ZNF234: variants seen among roughly 807,000 people sequenced by gnomAD.
ZNF234 encodes zinc finger protein 234.
In ZNF234, 4 loss-of-function variants were observed where a neutral mutation model predicts 10.3. That is an observed-to-expected ratio of 0.39 (90% CI 0.19 to 0.89). ZNF234 has a LOEUF of 0.89. Among genes scored for constraint, ZNF234 ranks in the 40% least tolerant of loss-of-function variants. The pLI is 0.38. For synonymous variants in ZNF234, 258 were observed against 280.1 expected (o/e 0.92, Z 0.79); for missense variants, 711 against 836.1 (o/e 0.85, Z 1.85).
chr19:44,152,032 T>C lies in ZNF234; in HGVS notation c.235+1527T>C, dbSNP rs539240291. On this transcript the variant is annotated intron_variant, in intron 5 of 5. Transcript: ENST00000426739. Reference sequence around the variant, plus strand: ...TCTGCCTCAAAGCCCTTATTTGCCCTTGTCTTTGCCTGGAAAAACTCACCT... The same window carrying C: ...TCTGCCTCAAAGCCCTTATTTGCCCCTGTCTTTGCCTGGAAAAACTCACCT... Among the ~76,000 whole-genome samples, 217 of 152,290 alleles carry C rather than the reference T, an allele frequency of 1.4e-3. 2 individuals are homozygous for C. Among genetic ancestry groups the C allele is most frequent in the African/African-American group, 5.1e-3 (213 of 41,554 alleles).
Position 44,159,652 on chromosome 19 carries a change from G to T in ZNF234, c.*1533G>T. On this transcript the variant is annotated 3_prime_UTR_variant, in exon 6 of 6. Coordinates refer to ENST00000426739, the MANE Select transcript of ZNF234 (RefSeq NM_006630.3). ...AGTTGCCAATGCCAAATTTTTATCA[G>T]CCCCCTTGAATTTATTTGATTTCTG... 2.2e-6 allele frequency: 1 copy of T among 463,688 alleles called. No individual in the cohort carries two copies. The highest frequency in any genetic ancestry group is 1.5e-5 in the South Asian group (1 of 65,960). 28.7% of individuals were successfully genotyped at this position (463,688 alleles called of 1,614,324 possible).
intron 4 of ZNF234, among the ~76,000 whole-genome samples, chr19:44,149,535 T>C (rs1416780004): frequency 6.6e-6 from 1 of 152,112 alleles, no homozygotes; most frequent in Non-Finnish European, 1.5e-5. Flanking sequence ...ACCTGGAGTT[T>C]TTTGTTTTAT....
chr19:44,157,449 A>G lies in ZNF234; in HGVS notation c.1433A>G (p.His478Arg), dbSNP rs370547080. The change falls in exon 6 of 6, where the codon CAT becomes CGT. Residue 478 changes from histidine to arginine, a missense_variant. Physicochemically the swap from His to Arg is conservative, Grantham distance 29. Coordinates refer to ENST00000426739, the MANE Select transcript of ZNF234 (RefSeq NM_006630.3). ...CGACTTCAGATTCACCAGCTGATCC[A>G]TACCGGTGAGAAACCATACAAATGT... ...SSRLQIHQLI[H>R]TGEKPYKCEE... 1.4e-4 allele frequency: 229 copies of G among 1,613,920 alleles called. No individual in the cohort carries two copies. Among genetic ancestry groups the G allele is most frequent in the Non-Finnish European group, 1.9e-4 (220 of 1,179,906 alleles).
At chr19:44,151,482 CCA>C (rs1968743206) in intron 5 of ZNF234, among the ~76,000 whole-genome samples, 2 of 152,196 alleles carry the variant, frequency 1.3e-5, no homozygotes, top group South Asian at 4.1e-4. Context: ...CAGGCATGAG[CCA>C]CTGTGCCCGA....
intron 5 of ZNF234, among the ~76,000 whole-genome samples, chr19:44,155,949 A>G (rs1968868207): frequency 6.6e-6 from 1 of 152,292 alleles, no homozygotes; most frequent in South Asian, 2.1e-4. Flanking sequence ...CACTGACTTT[A>G]AAATTCGATG....
In ZNF234 at chr19:44,144,568, C is replaced by T. The variant is rs1375777757; in HGVS notation, c.-65C>T. On this transcript the variant is annotated 5_prime_UTR_variant, in exon 3 of 6. It adds an upstream start codon to the 5' untranslated region. Coordinates refer to ENST00000426739, the MANE Select transcript of ZNF234 (RefSeq NM_006630.3). ...TGTGTCTTCCATAGTGTTCCAGGCACGATTCTGCCTTCTCTCAAATGGCAT... is the reference window on the plus strand; with the variant it reads ...TGTGTCTTCCATAGTGTTCCAGGCATGATTCTGCCTTCTCTCAAATGGCAT... 40 of 1,429,928 alleles carry T rather than the reference C, an allele frequency of 2.8e-5. No individual in the cohort carries two copies. Among genetic ancestry groups the T allele is most frequent in the Middle Eastern group, 1.9e-4 (1 of 5,370 alleles). The allele number at this position is 1,429,928 out of a possible 1,614,324, so 88.6% of individuals were successfully genotyped here.
intron 5 of ZNF234, 103 bp from the exon 6 acceptor site, chr19:44,156,149 G>A: frequency 9.6e-7 from 1 of 1,038,344 alleles, no homozygotes; most frequent in Non-Finnish European, 1.4e-6. Context: ...TACACAAACT[G>A]GACCTTCTCT....
At position 44,158,020 on chromosome 19, in the gene ZNF234, A is replaced by G. The variant is rs780658335; in HGVS notation, c.2004A>G (p.Val668=). The G allele has an allele frequency of 5.0e-6, 8 of 1,613,834 alleles. No individual in the cohort carries two copies. The highest frequency in any genetic ancestry group is 5.1e-6 in the Non-Finnish European group (6 of 1,179,896). ...GKRFSWRSNL[V]SHHKIHAAGT... is the part of the protein sequence containing the mutation. Reference sequence around the variant, plus strand: ...GGTTCAGCTGGCGATCAAATCTTGTAAGTCATCACAAAATTCATGCTGCTG... The same window carrying G: ...GGTTCAGCTGGCGATCAAATCTTGTGAGTCATCACAAAATTCATGCTGCTG... Residue 668 remains valine, a synonymous_variant, in exon 6 of 6, where the codon GTA becomes GTG. Transcript: ENST00000426739.
rs898766368 is a variant in ZNF234 at position 44,158,233 on chromosome 19, C to T, written c.*114C>T. On this transcript the variant is annotated 3_prime_UTR_variant, in exon 6 of 6. Coordinates refer to ENST00000426739, the MANE Select transcript of ZNF234 (RefSeq NM_006630.3). Reference sequence around the variant, plus strand: ...TGAATTTATTTGATTTGTAACGCTCCACATTTCCACCTAGACTTTTTTTTG... The same window carrying T: ...TGAATTTATTTGATTTGTAACGCTCTACATTTCCACCTAGACTTTTTTTTG... 2 of 1,152,692 alleles carry T rather than the reference C, an allele frequency of 1.7e-6. No homozygotes were observed. Among genetic ancestry groups the T allele is most frequent in the African/African-American group, 1.5e-5 (1 of 65,372 alleles). 71.4% of individuals were successfully genotyped at this position (1,152,692 alleles called of 1,614,324 possible). A position where few individuals can be genotyped will look rare whatever the true frequency, so the allele number is the denominator to read the frequency against.
In ZNF234 at chr19:44,157,019, C is replaced by T. The variant is rs1022345831; in HGVS notation, c.1003C>T (p.Gln335Ter). The T allele has an allele frequency of 2.5e-6, 4 of 1,613,776 alleles. No individual in the cohort carries two copies. Among genetic ancestry groups the T allele is most frequent in the Middle Eastern group, 3.3e-4 (2 of 6,082 alleles). ...TTGTAGCTCAAACCTTCGTATCCAT[C>T]AAAGGGTCCACACAGGAGAGAAACC... Reference protein sequence around the residue: ...FTCSSNLRIHQRVHTGEKPYK... With the variant: ...FTCSSNLRIH Residue 335 changes from glutamine (Q) to a stop codon, truncating the protein, a stop_gained, in exon 6 of 6, where the codon CAA (glutamine) becomes TAA (stop). Coordinates refer to ENST00000426739, the MANE Select transcript of ZNF234 (RefSeq NM_006630.3). LOFTEE classifies it low-confidence loss of function (END_TRUNC).
chr19:44,150,948 C>T (rs962902256), intron 5 of ZNF234, among the ~76,000 whole-genome samples: 4 of 151,698 alleles, frequency 2.6e-5, no homozygotes, highest in Non-Finnish European at 5.9e-5. Flanking sequence ...ACAGGAGAAT[C>T]GCTTGAACCC....
chr19:44,150,984 A>T (rs1436889746), intron 5 of ZNF234, among the ~76,000 whole-genome samples: 1 of 151,718 alleles, frequency 6.6e-6, no homozygotes, highest in African/African-American at 2.4e-5. Context: ...GTGAGCCAAG[A>T]TCGCACCGCT....
chr19:44,157,287 G>C lies in ZNF234; in HGVS notation c.1271G>C (p.Gly424Ala), dbSNP rs1454193303. Reference sequence around the variant, plus strand: ...CAAGTGCATCTGGTAGTCCACACAGGGGAAAAACCCTATAAATGTGAAGTA... The same window carrying C: ...CAAGTGCATCTGGTAGTCCACACAGCGGAAAAACCCTATAAATGTGAAGTA... ...HYQVHLVVHT[G>A]EKPYKCEVCG... is the part of the protein sequence containing the mutation. The change falls in exon 6 of 6, where the codon GGG (glycine) becomes GCG (alanine). Residue 424 changes from glycine to alanine, a missense_variant. Transcript: ENST00000426739. 1.2e-5 allele frequency: 20 copies of C among 1,613,912 alleles called. No homozygotes were observed. The highest frequency in any genetic ancestry group is 1.6e-5 in the Non-Finnish European group (19 of 1,179,962).
At chr19:44,150,630 C>T (rs1334749584) in intron 5 of ZNF234, 125 bp downstream of exon 5, 9 of 682,476 alleles carry the variant, frequency 1.3e-5, no homozygotes, top group Non-Finnish European at 1.7e-5. Context: ...CAACAGCCTT[C>T]GTACTGGGCG....
At position 44,150,419 on chromosome 19, in the gene ZNF234, AC is replaced by A; in HGVS notation, c.153del (p.Phe52SerfsTer8). ...GTGACTTTGCGTGTTCTAGGGCATC[AC>A]CCCTTCAAACATGATGTATTCCTTT... ...NFRNLLSVGH[H>X]PFKHDVFLLE... is the part of the protein sequence containing the mutation. On this transcript the variant is annotated frameshift_variant, in exon 5 of 6. Coordinates refer to ENST00000426739, the MANE Select transcript of ZNF234 (RefSeq NM_006630.3). LOFTEE classifies it high-confidence loss of function. 1 of 1,581,926 alleles carries A rather than the reference AC, an allele frequency of 6.3e-7. No homozygotes were observed. Among genetic ancestry groups the A allele is most frequent in the Middle Eastern group, 1.7e-4 (1 of 6,012 alleles).
At chr19:44,148,551 C>T (rs1370209365) in intron 3 of ZNF234, 1 of 627,770 alleles carries the variant, frequency 1.6e-6, no homozygotes, top group South Asian at 1.5e-5. Context: ...AGTGAAGCCA[C>T]AAAGGAATTG....
chr19:44,157,976 T>C lies in ZNF234; in HGVS notation c.1960T>C (p.Cys654Arg), dbSNP rs1389486001. The C allele has an allele frequency of 2.5e-6, 4 of 1,613,850 alleles. No homozygotes were observed. The highest frequency in any genetic ancestry group is 2.2e-5 in the South Asian group (2 of 91,086). ...TCACACTGGGGAAAAACCTTACAAA[T>C]GTGAGATATGTGGTAAGAGGTTCAG... ...RVHTGEKPYK[C>R]EICGKRFSWR... Residue 654 changes from cysteine (C) to arginine (R), a missense_variant, in exon 6 of 6, where the codon TGT (cysteine) becomes CGT (arginine). By Grantham distance (180) the Cys-to-Arg change is radical. Transcript: ENST00000426739.
chr19:44,148,639 G>A, intron 3 of ZNF234, 132 bp from the exon 4 acceptor site: 1 of 1,265,728 alleles, frequency 7.9e-7, no homozygotes. Flanking sequence ...GAAGGAGAAG[G>A]GCTGAGAAAT....
Position 44,155,633 on chromosome 19 carries a change from C to T in ZNF234, c.236-619C>T, listed in dbSNP as rs535844094. On this transcript the variant is annotated intron_variant, in intron 5 of 5. Transcript: ENST00000426739. Reference sequence around the variant, plus strand: ...GTTCAACGGTCAACTGTATTTTGAACATGTAAATATAAACATTTCAGGTTA... The same window carrying T: ...GTTCAACGGTCAACTGTATTTTGAATATGTAAATATAAACATTTCAGGTTA... 5.3e-5 allele frequency among the ~76,000 whole-genome samples: 8 copies of T among 152,212 alleles called. No individual in the cohort carries two copies. The South Asian group carries it at 1.5e-3, about 28-fold the overall frequency.
Sources: allele counts gnomAD v4.1 joint callset (sites outside exome capture counted in the v4.1 genomes callset), GRCh38; gene constraint gnomAD v4.1.1; transcripts MANE v1.5; gene names NCBI Gene and HGNC (gene_info 2026-07-23, HGNC 2026-07-21).